Variants in ZNF879 observed in about 807,000 individuals in gnomAD.
The protein encoded by ZNF879 is zinc finger protein 879.
A neutral mutation model predicts 44.3 loss-of-function variants in ZNF879; 32 were observed. The observed-to-expected ratio is 0.72, with a 90% confidence interval of 0.54 to 0.97. The LOEUF (loss-of-function observed/expected upper bound fraction) is 0.97. Ranked by LOEUF, ZNF879 falls within the 50% of genes least tolerant of loss-of-function variation. The pLI, the probability that ZNF879 is intolerant of heterozygous loss-of-function variation, is 0.00. For missense variants in ZNF879, 621 were observed against 669.7 expected (o/e 0.93, Z 0.80); for synonymous variants, 234 against 233.2 (o/e 1.00, Z -0.03).
Position 179,033,262 on chromosome 5 carries a change from T to A in ZNF879, c.1314T>A (p.Ser438=). Residue 438 remains serine, a synonymous_variant, in exon 5 of 5, where the codon TCT becomes TCA. Transcript: ENST00000444149. ...GTAATGAATGTGGGAAAGCCTTCTCTTGGATTTCACGGCTTAATATACATC... is the reference window on the plus strand; with the variant it reads ...GTAATGAATGTGGGAAAGCCTTCTCATGGATTTCACGGCTTAATATACATC... ...YKCNECGKAF[S]WISRLNIHHR... 3 of 1,585,898 alleles carry A rather than the reference T, an allele frequency of 1.9e-6. No individual in the cohort carries two copies. The highest frequency in any genetic ancestry group is 1.7e-6 in the Non-Finnish European group (2 of 1,165,898).
Position 179,033,276 on chromosome 5 carries a change from T to C in ZNF879, c.1328T>C (p.Leu443Pro). Residue 443 changes from leucine to proline, a missense_variant, in exon 5 of 5, where the codon CTT becomes CCT. Coordinates refer to ENST00000444149, the MANE Select transcript of ZNF879 (RefSeq NM_001136116.3). ...CGKAFSWISR[L>P]NIHHRIHTGE... is the part of the protein sequence containing the mutation. ...AAAGCCTTCTCTTGGATTTCACGGC[T>C]TAATATACATCACAGAATTCACACT... 6.3e-7 allele frequency: 1 copy of C among 1,581,378 alleles called. No homozygotes were observed. Among genetic ancestry groups the C allele is most frequent in the Non-Finnish European group, 8.6e-7 (1 of 1,163,562 alleles).
At position 179,032,697 on chromosome 5, in the gene ZNF879, A is replaced by G. The variant is rs1335021829; in HGVS notation, c.749A>G (p.His250Arg). The G allele has an allele frequency of 2.6e-6, 4 of 1,560,678 alleles. No homozygotes were observed. The highest frequency in any genetic ancestry group is 3.5e-6 in the Non-Finnish European group (4 of 1,152,486). ...AGCCAAAGCTCATCCCTAACTCAGC[A>G]CTTGAGGGTTCATACAGGAGAGAAA... ...AFSQSSSLTQ[H>R]LRVHTGEKPY... is the part of the protein sequence containing the mutation. Residue 250 changes from histidine (H) to arginine (R), a missense_variant, in exon 5 of 5, where the codon CAC becomes CGC. His to Arg is a conservative substitution (Grantham distance 29). Coordinates refer to ENST00000444149, the MANE Select transcript of ZNF879 (RefSeq NM_001136116.3).
rs1000850498 is a variant in ZNF879, at chr5:179,033,774, C to T, written c.*134C>T. On this transcript the variant is annotated 3_prime_UTR_variant, in exon 5 of 5. Coordinates refer to ENST00000444149, the MANE Select transcript of ZNF879 (RefSeq NM_001136116.3). ...TTCAGCATTAGACCTCATCACACAT[C>T]AGAGACTTCATGATGCAGGGTAACC... The T allele has an allele frequency of 1.7e-6, 1 of 595,924 alleles. No homozygotes were observed. The highest frequency in any genetic ancestry group is 2.8e-6 in the Non-Finnish European group (1 of 357,136). The allele number at this position is 595,924 out of a possible 1,614,324, so 36.9% of individuals were successfully genotyped here.
rs1223279091 is a variant in ZNF879, at chr5:179,025,987, A to T, written c.33+950A>T. On this transcript the variant is annotated intron_variant, in intron 2 of 4. Transcript: ENST00000444149. ...GTAATCCCAGTTAGTCCGGAGGCTG[A>T]GGCAGGAGAATCACTTGAACCCGGA... Among the ~76,000 whole-genome samples, 3 of 149,680 alleles carry T rather than the reference A, an allele frequency of 2.0e-5. No homozygotes were observed. In the East Asian group the frequency reaches 6.1e-4, roughly 31 times the overall value.
At chr5:179,027,927 G>T in intron 3 of ZNF879, 105 bp from the exon 4 acceptor site, 1 of 1,053,486 alleles carries the variant, frequency 9.5e-7, no homozygotes. Flanking sequence ...AAGCCTCTCA[G>T]AACAAACCTC....
chr5:179,024,909 C>T (rs1761218188), intron 1 of ZNF879, 61 bp from the exon 2 acceptor site: 3 of 1,343,230 alleles, frequency 2.2e-6, no homozygotes, highest in Non-Finnish European at 3.1e-6. Flanking sequence ...CTGGTCTGGC[C>T]TAATGAGGGT....
chr5:179,025,527 C>T (rs536761043), intron 2 of ZNF879, among the ~76,000 whole-genome samples: 2 of 152,332 alleles, frequency 1.3e-5, no homozygotes, highest in African/African-American at 4.8e-5. Flanking sequence ...TTTAATGGGG[C>T]TCCAATGCCA....
At chr5:179,024,198 C>A (rs1474707623) in intron 1 of ZNF879, among the ~76,000 whole-genome samples, 1 of 152,228 alleles carries the variant, frequency 6.6e-6, no homozygotes, top group Non-Finnish European at 1.5e-5. Context: ...GGTCCGGAGC[C>A]CTCCGGGCGG....
At chr5:179,026,641 C>A (rs933397570) in intron 2 of ZNF879, among the ~76,000 whole-genome samples, 1 of 152,128 alleles carries the variant, frequency 6.6e-6, no homozygotes, top group African/African-American at 2.4e-5. Flanking sequence ...TGCCACCACA[C>A]CCAATTAATT....
intron 2 of ZNF879, among the ~76,000 whole-genome samples, chr5:179,025,743 C>G (rs1761247527): frequency 6.6e-6 from 1 of 152,102 alleles, no homozygotes; most frequent in African/African-American, 2.4e-5. Flanking sequence ...ATGGTGAAAC[C>G]CGGTCTCTAC....
At chr5:179,027,717 G>A in intron 3 of ZNF879, 118 bp downstream of exon 3, 1 of 1,357,352 alleles carries the variant, frequency 7.4e-7, no homozygotes, top group South Asian at 1.4e-5. Flanking sequence ...AGTGGCCATT[G>A]CCATTCCCCT....
chr5:179,028,262 T>C (rs761638096), intron 4 of ZNF879, 135 bp downstream of exon 4: 235 of 728,154 alleles, frequency 3.2e-4, no homozygotes, highest in Non-Finnish European at 5.1e-4. Context: ...CTTTCTCTTT[T>C]GATTACTTGA....
intron 2 of ZNF879, 69 bp from the exon 3 acceptor site, chr5:179,027,404 A>C (rs1561733810): frequency 6.3e-7 from 1 of 1,588,940 alleles, no homozygotes; most frequent in Non-Finnish European, 8.6e-7. Context: ...AAGTTGTGAC[A>C]GGGTTGCTTC....
Position 179,027,558 on chromosome 5 carries a change from G to T in ZNF879, c.119G>T (p.Arg40Leu). ...GACTCTGCCCAGAGAGCCTTGTACCGGGAGGTGATGCTGGAGAACTACAGC... is the reference window on the plus strand; with the variant it reads ...GACTCTGCCCAGAGAGCCTTGTACCTGGAGGTGATGCTGGAGAACTACAGC... Reference protein sequence around the residue: ...HLDSAQRALYREVMLENYSIL... With the variant: ...HLDSAQRALYLEVMLENYSIL... Residue 40 changes from arginine to leucine, a missense_variant, in exon 3 of 5, where the codon CGG becomes CTG. By Grantham distance (102) the Arg-to-Leu change is moderately radical. Coordinates refer to ENST00000444149, the MANE Select transcript of ZNF879 (RefSeq NM_001136116.3). The T allele has an allele frequency of 6.2e-7, 1 of 1,614,068 alleles. No individual in the cohort carries two copies. Among genetic ancestry groups the T allele is most frequent in the Non-Finnish European group, 8.5e-7 (1 of 1,180,004 alleles).
Position 179,028,087 on chromosome 5 carries a change from CT to C in ZNF879, c.217del (p.Trp73GlyfsTer22). The C allele has an allele frequency of 1.9e-6, 3 of 1,551,474 alleles. No homozygotes were observed. Among genetic ancestry groups the C allele is most frequent in the Non-Finnish European group, 2.6e-6 (3 of 1,146,942 alleles). On this transcript the variant is annotated frameshift_variant, in exon 4 of 5. Transcript: ENST00000444149. LOFTEE classifies it low-confidence loss of function (END_TRUNC). ...ISQLEQGEDP[W>X]MVESGVPQGA... is the part of the protein sequence containing the mutation. ...CCCAGTTAGAGCAAGGAGAAGACCC[CT>C]GGATGGTGGAGAGTGGAGTTCCCCA...
intron 2 of ZNF879, among the ~76,000 whole-genome samples, chr5:179,026,034 G>A (rs918244428): frequency 1.3e-5 from 2 of 148,516 alleles, no homozygotes; most frequent in African/African-American, 5.0e-5. Flanking sequence ...GCAGTGAGCT[G>A]AGATTGTGCC....
At chr5:179,028,762 A>G (rs1420512060) in intron 4 of ZNF879, among the ~76,000 whole-genome samples, 1 of 152,034 alleles carries the variant, frequency 6.6e-6, no homozygotes, top group African/African-American at 2.4e-5. Flanking sequence ...CTTTTTCCCT[A>G]TACGCCCTTG....
chr5:179,027,836 C>T (rs756841784), intron 3 of ZNF879, among the ~76,000 whole-genome samples, 196 bp from the exon 4 acceptor site: 64 of 152,258 alleles, frequency 4.2e-4, no homozygotes, highest in Non-Finnish European at 6.0e-4. Flanking sequence ...ACAGGGTGTT[C>T]CTGCTGAGAG....
At chr5:179,027,643 C>G (rs1245427527) in intron 3 of ZNF879, 44 bp downstream of exon 3, 1 of 1,602,434 alleles carries the variant, frequency 6.2e-7, no homozygotes, top group Non-Finnish European at 8.5e-7. Context: ...AGGAGAGCAC[C>G]TTAGCACCCT....
Sources: allele counts gnomAD v4.1 joint callset (sites outside exome capture counted in the v4.1 genomes callset), GRCh38; gene constraint gnomAD v4.1.1; transcripts MANE v1.5; gene names NCBI Gene and HGNC (gene_info 2026-07-23, HGNC 2026-07-21).